Variants in FBXO36 observed in about 807,000 individuals in gnomAD.
FBXO36 encodes F-box protein 36.
A neutral mutation model predicts 17.0 loss-of-function variants in FBXO36; 18 were observed. The ratio of observed to expected loss-of-function variants is 1.06; its 90% confidence interval spans 0.73 to 1.57. FBXO36 has a LOEUF of 1.57. FBXO36 is among the 40% of genes most tolerant of loss of function. The probability of loss-of-function intolerance (pLI) is 0.00; values close to 1 mark genes in which losing one functional copy is unlikely to be tolerated. For synonymous variants in FBXO36, 83 were observed against 85.3 expected (o/e 0.97, Z 0.15); for missense variants, 229 against 221.9 (o/e 1.03, Z -0.20).
At chr2:229,947,669 A>C (rs189649672) in intron 1 of FBXO36, among the ~76,000 whole-genome samples, 1 of 152,330 alleles carries the variant, frequency 6.6e-6, no homozygotes, top group East Asian at 1.9e-4. Flanking sequence ...AGTTATATTA[A>C]GGAAGTGAAA....
chr2:229,967,998 G>A (rs113876549), intron 1 of FBXO36, among the ~76,000 whole-genome samples: 3 of 151,972 alleles, frequency 2.0e-5, no homozygotes, highest in Non-Finnish European at 2.9e-5. Flanking sequence ...CTGTGAATCC[G>A]TCTGGTCCTG....
intron 1 of FBXO36, among the ~76,000 whole-genome samples, chr2:229,941,094 A>G (rs1243996439): frequency 6.6e-6 from 1 of 152,148 alleles, no homozygotes; most frequent in African/African-American, 2.4e-5. Context: ...TAGCGCAGTG[A>G]ATCTACCGAC....
chr2:229,962,509 T>TTTTATTTTA (rs2106183328), intron 1 of FBXO36, among the ~76,000 whole-genome samples: 2 of 138,812 alleles, frequency 1.4e-5, no homozygotes, highest in African/African-American at 5.7e-5. Context: ...TTTTATTTTA[T>TTTTATTTTA]TTTATTTTAT....
chr2:229,936,566 T>C (rs1350543366), intron 1 of FBXO36, among the ~76,000 whole-genome samples: 1 of 152,166 alleles, frequency 6.6e-6, no homozygotes, highest in Non-Finnish European at 1.5e-5. Flanking sequence ...AAGGAACTAC[T>C]GTGATAAAAA....
chr2:229,934,332 C>T (rs1206278344), intron 1 of FBXO36, among the ~76,000 whole-genome samples: 7 of 152,046 alleles, frequency 4.6e-5, no homozygotes, highest in East Asian at 1.9e-4. Context: ...ACCCGGGAGG[C>T]GGAGCTTGCA....
chr2:229,994,420 G>A (rs1022846020), intron 2 of FBXO36, among the ~76,000 whole-genome samples: 2 of 152,174 alleles, frequency 1.3e-5, no homozygotes, highest in African/African-American at 4.8e-5. Flanking sequence ...AGGCTAACCT[G>A]TTTGGGAGAG....
intron 1 of FBXO36, among the ~76,000 whole-genome samples, chr2:229,952,539 T>A (rs2077062345): frequency 6.6e-6 from 1 of 152,128 alleles, no homozygotes; most frequent in Non-Finnish European, 1.5e-5. Context: ...TGAAAGTCAG[T>A]AAACCAGTGG....
At chr2:229,960,452 T>C (rs972420506) in intron 1 of FBXO36, among the ~76,000 whole-genome samples, 15 of 151,946 alleles carry the variant, frequency 9.9e-5, no homozygotes, top group African/African-American at 3.6e-4. Context: ...GTGCTGGGAT[T>C]ACAGGTGTGA....
chr2:229,992,387 A>C (rs977747698), intron 2 of FBXO36, among the ~76,000 whole-genome samples: 4 of 151,982 alleles, frequency 2.6e-5, no homozygotes, highest in African/African-American at 9.7e-5. Context: ...CGAACTCCTG[A>C]CCCCAAGTGA....
At chr2:229,948,151 A>G (rs1010464382) in intron 1 of FBXO36, among the ~76,000 whole-genome samples, 1 of 152,130 alleles carries the variant, frequency 6.6e-6, no homozygotes, top group Non-Finnish European at 1.5e-5. Context: ...AAAAAAAATT[A>G]TGTTTTTAAA....
Position 229,976,369 on chromosome 2 carries a change from A to T in FBXO36, c.205+20A>T, listed in dbSNP as rs1453505833. ...TTCAAGGTAAGGAACGGAACATATT[A>T]TATACCCCTGTTAAGTTCTCATTAG... On this transcript the variant is annotated intron_variant, in intron 2 of 3. Coordinates refer to ENST00000283946, the MANE Select transcript of FBXO36 (RefSeq NM_174899.5). The T allele has an allele frequency of 6.6e-7, 1 of 1,506,096 alleles. No individual in the cohort carries two copies. The highest frequency in any genetic ancestry group is 9.2e-7 in the Non-Finnish European group (1 of 1,083,034). 93.3% of individuals were successfully genotyped at this position (1,506,096 alleles called of 1,614,324 possible).
chr2:229,942,765 T>C (rs949511618), intron 1 of FBXO36: 1 of 152,282 alleles, frequency 6.6e-6, no homozygotes, highest in African/African-American at 2.4e-5. Context: ...TCAAGTTCCA[T>C]TTCCTCTCAC....
chr2:229,943,446 G>T (rs1352962243), intron 1 of FBXO36, among the ~76,000 whole-genome samples: 1 of 152,194 alleles, frequency 6.6e-6, no homozygotes, highest in Non-Finnish European at 1.5e-5. Context: ...TTGAAATGGG[G>T]CTGTGGGACG....
intron 2 of FBXO36, among the ~76,000 whole-genome samples, chr2:229,992,959 G>T (rs531028239): frequency 1.3e-5 from 2 of 152,230 alleles, no homozygotes; most frequent in Middle Eastern, 3.4e-3. Context: ...GCTAAGTGAG[G>T]ACTAAACTCT....
chr2:229,977,735 C>G (rs1001623084), intron 2 of FBXO36, among the ~76,000 whole-genome samples: 1 of 152,162 alleles, frequency 6.6e-6, no homozygotes, highest in African/African-American at 2.4e-5. Flanking sequence ...CAGGCGTGAG[C>G]CACTGCACCC....
chr2:229,984,654 C>T (rs1240314787), intron 2 of FBXO36, among the ~76,000 whole-genome samples: 1 of 152,050 alleles, frequency 6.6e-6, no homozygotes, highest in Non-Finnish European at 1.5e-5. Flanking sequence ...TCCCAAAGTG[C>T]TGGGATTACA....
intron 1 of FBXO36, among the ~76,000 whole-genome samples, chr2:229,943,886 G>A (rs975369668): frequency 2.0e-5 from 3 of 152,148 alleles, no homozygotes; most frequent in African/African-American, 7.2e-5. Flanking sequence ...TTGGAGGAGG[G>A]GCTTGGTGGG....
At chr2:229,932,029 A>G (rs2106154698) in intron 1 of FBXO36, among the ~76,000 whole-genome samples, 1 of 150,312 alleles carries the variant, frequency 6.7e-6, no homozygotes. Flanking sequence ...CAATCCACCC[A>G]CTTTAGCCCC....
intron 2 of FBXO36, among the ~76,000 whole-genome samples, chr2:229,978,912 C>A (rs936765653): frequency 6.6e-6 from 1 of 152,144 alleles, no homozygotes; most frequent in Non-Finnish European, 1.5e-5. Context: ...CACAGTGGCT[C>A]ATGCCTGTAA....
Sources: gnomAD v4.1 joint callset for allele counts (sites outside exome capture counted in the v4.1 genomes callset) on GRCh38, gnomAD v4.1.1 for gene constraint, MANE v1.5 for transcripts, NCBI Gene and HGNC (gene_info 2026-07-23, HGNC 2026-07-21) for gene names.